Variants in MSL2 observed in about 807,000 individuals in gnomAD.
The protein encoded by MSL2 is E3 ubiquitin-protein ligase MSL2.
MSL2 carries 2 observed loss-of-function variants against 35.8 expected under a neutral mutation model. The observed-to-expected ratio is 0.06, with a 90% CI of 0.02 to 0.18. The LOEUF (loss-of-function observed/expected upper bound fraction) is 0.18, where lower values mean the gene tolerates loss of function less well. Ranked by LOEUF, MSL2 falls within the 10% of genes least tolerant of loss-of-function variation. The pLI is 1.00. For missense variants in MSL2, 523 were observed against 706.7 expected (o/e 0.74, Z 2.95); for synonymous variants, 296 against 255.7 (o/e 1.16, Z -1.50).
intron 1 of MSL2, among the ~76,000 whole-genome samples, chr3:136,184,084 A>G (rs900973691): frequency 6.6e-6 from 1 of 151,688 alleles, no homozygotes; most frequent in Non-Finnish European, 1.5e-5. Context: ...TCACGAAGTC[A>G]GGAGATAGAG....
chr3:136,177,063 C>A (rs912058844), intron 1 of MSL2, among the ~76,000 whole-genome samples: 4 of 152,136 alleles, frequency 2.6e-5, no homozygotes, highest in African/African-American at 9.7e-5. Context: ...TATTGAGCAG[C>A]ACTTAAAACC....
intron 1 of MSL2, among the ~76,000 whole-genome samples, chr3:136,184,978 A>G (rs1940476854): frequency 6.6e-6 from 1 of 151,990 alleles, no homozygotes; most frequent in African/African-American, 2.4e-5. Context: ...AGTAACCACC[A>G]ACTCATTTTT....
At chr3:136,160,667 C>A (rs12054118) in intron 1 of MSL2, among the ~76,000 whole-genome samples, 1 of 150,936 alleles carries the variant, frequency 6.6e-6, no homozygotes, top group Non-Finnish European at 1.5e-5. Context: ...CGAGACCATG[C>A]CATTGCACTC....
Position 136,167,372 on chromosome 3 carries a change from CTCA to C in MSL2, c.143-14637_143-14635del, listed in dbSNP as rs372569020. The stretch of plus-strand genomic sequence containing the variant: ...AAAAAATATCAAGGAATTAAACTAC[CTCA>C]ATGGCTTAACTTTGGCCTTTGACAA... On this transcript the variant is annotated intron_variant, in intron 1 of 1. Transcript: ENST00000309993. Among the ~76,000 whole-genome samples the C allele has an allele frequency of 2.0e-5, 3 of 151,980 alleles. No homozygotes were observed. The South Asian group carries it at 6.2e-4, about 32-fold the overall frequency.
intron 1 of MSL2, among the ~76,000 whole-genome samples, chr3:136,166,789 G>A (rs2108072514): frequency 6.6e-6 from 1 of 152,236 alleles, no homozygotes; most frequent in South Asian, 2.1e-4. Flanking sequence ...AAACAACAAG[G>A]TTATCAGTAC....
chr3:136,155,634 G>C lies in MSL2; in HGVS notation c.143-2896C>G, dbSNP rs1939496211. ...TTTTCATCCTCAGCCTTCCCAACCTGTGCCGCCCATGGGGATACAGGACAG... is the reference window on the plus strand; with the variant it reads ...TTTTCATCCTCAGCCTTCCCAACCTCTGCCGCCCATGGGGATACAGGACAG... On this transcript the variant is annotated intron_variant, in intron 1 of 1. Transcript: ENST00000309993. 4 of 382,014 alleles carry C rather than the reference G, an allele frequency of 1.0e-5. No individual in the cohort carries two copies. The South Asian group carries it at 1.1e-4, about 10-fold the overall frequency. The allele number at this position is 382,014 out of a possible 1,614,324, so 23.7% of individuals were successfully genotyped here. A position where few individuals can be genotyped will look rare whatever the true frequency, so the allele number is the denominator to read the frequency against.
intron 1 of MSL2, among the ~76,000 whole-genome samples, chr3:136,156,373 A>T (rs1939522178): frequency 6.6e-6 from 1 of 152,214 alleles, no homozygotes; most frequent in East Asian, 1.9e-4. Context: ...TGGAAAACAT[A>T]AAATGGGTTA....
chr3:136,188,372 T>C (rs1940581655), intron 1 of MSL2, among the ~76,000 whole-genome samples: 1 of 149,586 alleles, frequency 6.7e-6, no homozygotes, highest in Admixed American at 6.7e-5. Context: ...AAGCAGAGGT[T>C]GCAGTGAGCC....
chr3:136,194,946 A>C, intron 1 of MSL2, 26 bp downstream of exon 1: 1 of 1,613,236 alleles, frequency 6.2e-7, no homozygotes, highest in South Asian at 1.1e-5. Flanking sequence ...CAAGCATTGA[A>C]AAGGGAACAA....
At chr3:136,176,322 T>C (rs965087396) in intron 1 of MSL2, among the ~76,000 whole-genome samples, 2 of 152,046 alleles carry the variant, frequency 1.3e-5, no homozygotes, top group African/African-American at 2.4e-5. Context: ...AAGACCAGCC[T>C]GGGCAACACA....
chr3:136,184,991 T>C (rs1940477381), intron 1 of MSL2, among the ~76,000 whole-genome samples: 1 of 152,196 alleles, frequency 6.6e-6, no homozygotes, highest in Non-Finnish European at 1.5e-5. Flanking sequence ...TCATTTTTTT[T>C]TGAGACTGAG....
intron 1 of MSL2, among the ~76,000 whole-genome samples, chr3:136,167,305 C>T (rs1939878804): frequency 6.6e-6 from 1 of 151,416 alleles, no homozygotes; most frequent in African/African-American, 2.4e-5. Context: ...AAAATAAAAA[C>T]TTGGTAAAAG....
chr3:136,182,438 A>G (rs935640114), intron 1 of MSL2, among the ~76,000 whole-genome samples: 1 of 152,244 alleles, frequency 6.6e-6, no homozygotes, highest in Non-Finnish European at 1.5e-5. Flanking sequence ...GGCACAGGAC[A>G]GTGATCCCTG....
chr3:136,166,375 G>A (rs1459264388), intron 1 of MSL2, among the ~76,000 whole-genome samples: 5 of 151,776 alleles, frequency 3.3e-5, no homozygotes, highest in African/African-American at 4.8e-5. Flanking sequence ...GCGACAGAGC[G>A]AGACTCTATC....
intron 1 of MSL2, among the ~76,000 whole-genome samples, chr3:136,185,804 C>T (rs1940504315): frequency 6.6e-6 from 1 of 152,160 alleles, no homozygotes. Context: ...CCACGCCTGG[C>T]CAGGACCCAA....
chr3:136,181,035 C>T (rs144781051), intron 1 of MSL2, among the ~76,000 whole-genome samples: 1,670 of 151,674 alleles, frequency 0.011, 22 homozygotes, highest in Middle Eastern at 0.055. Context: ...TGCCTGTAAT[C>T]CCAGCTACTT....
chr3:136,162,310 T>C (rs1047404794), intron 1 of MSL2, among the ~76,000 whole-genome samples: 8 of 147,166 alleles, frequency 5.4e-5, no homozygotes, highest in Admixed American at 4.7e-4. Context: ...AGGCCAGGTG[T>C]GGTGGCTCAC....
Position 136,185,667 on chromosome 3 carries a change from G to A in MSL2, c.142+9305C>T, listed in dbSNP as rs187025716. ...TTCTCCTGTGCGCACCACCACGCCC[G>A]GCTAATTTTTGTATTTTTAGTAGAG... On this transcript the variant is annotated intron_variant, in intron 1 of 1. Transcript: ENST00000309993. 7.0e-3 allele frequency among the ~76,000 whole-genome samples: 1,056 copies of A among 151,802 alleles called. 14 individuals carry two copies. Among genetic ancestry groups the A allele is most frequent in the African/African-American group, 0.023 (968 of 41,400 alleles).
chr3:136,175,872 TGCCAAACACTGTGCTAA>T (rs1940158070), intron 1 of MSL2, among the ~76,000 whole-genome samples: 1 of 151,876 alleles, frequency 6.6e-6, no homozygotes, highest in South Asian at 2.1e-4. Context: ...CCCAGCTATA[TGCCAAACACTGTGCTAA>T]GCCTGCCACT....
Sources: gnomAD v4.1 joint callset for allele counts (sites outside exome capture counted in the v4.1 genomes callset) on GRCh38, gnomAD v4.1.1 for gene constraint, MANE v1.5 for transcripts, NCBI Gene and HGNC (gene_info 2026-07-23, HGNC 2026-07-21) for gene names.